The following GRIK2 variants were observed in gnomAD, a reference collection of about 807,000 sequenced individuals.
GRIK2 encodes the protein glutamate receptor ionotropic, kainate 2.
Under a neutral mutation model 100.3 loss-of-function variants are expected in GRIK2, and 32 were observed. The ratio of observed to expected loss-of-function variants is 0.32; its 90% confidence interval spans 0.24 to 0.43. The LOEUF is 0.43. Among genes scored for constraint, GRIK2 ranks in the 20% least tolerant of loss-of-function variants. GRIK2 has a pLI of 1.00. For missense variants in GRIK2, 843 were observed against 1,114.9 expected (o/e 0.76, Z 3.47); for synonymous variants, 417 against 389.4 (o/e 1.07, Z -0.83).
At chr6:101,670,799 GACAA>G (rs1255521548) in intron 4 of GRIK2, among the ~76,000 whole-genome samples, 3 of 152,050 alleles carry the variant, frequency 2.0e-5, no homozygotes, top group Non-Finnish European at 4.4e-5. Flanking sequence ...TAAACATAAT[GACAA>G]ACAGCCATTT....
At chr6:101,906,732 A>G (rs1390473235) in intron 12 of GRIK2, among the ~76,000 whole-genome samples, 1 of 151,648 alleles carries the variant, frequency 6.6e-6, no homozygotes, top group Non-Finnish European at 1.5e-5. Context: ...TCTAAAAACA[A>G]TACACCGGAG....
chr6:101,701,731 A>G (rs1164694553), intron 7 of GRIK2, among the ~76,000 whole-genome samples: 1 of 152,106 alleles, frequency 6.6e-6, no homozygotes, highest in African/African-American at 2.4e-5. Context: ...GTAAATATAG[A>G]TATTACTCAC....
intron 4 of GRIK2, among the ~76,000 whole-genome samples, chr6:101,630,588 C>A (rs1186603622): frequency 6.6e-6 from 1 of 151,786 alleles, no homozygotes; most frequent in Non-Finnish European, 1.5e-5. Context: ...TGATTTATTT[C>A]AGTTTCTTAT....
intron 7 of GRIK2, among the ~76,000 whole-genome samples, chr6:101,794,446 T>A (rs751195801): frequency 1.3e-5 from 2 of 152,186 alleles, no homozygotes; most frequent in African/African-American, 2.4e-5. Flanking sequence ...GAACACCTTA[T>A]TGTGTTTATA....
At chr6:101,847,402 C>T (rs1208525562) in intron 10 of GRIK2, among the ~76,000 whole-genome samples, 2 of 152,020 alleles carry the variant, frequency 1.3e-5, no homozygotes, top group Non-Finnish European at 2.9e-5. Context: ...AGATATTCCC[C>T]TCACCCAGGG....
chr6:101,968,988 TCATGA>T (rs973612011), intron 14 of GRIK2, among the ~76,000 whole-genome samples: 2 of 152,026 alleles, frequency 1.3e-5, no homozygotes, highest in African/African-American at 4.8e-5. Flanking sequence ...CATTAAAGAC[TCATGA>T]CAATAAATTT....
chr6:101,397,917 A>G (rs1775077881), intron 1 of GRIK2, among the ~76,000 whole-genome samples: 2 of 152,076 alleles, frequency 1.3e-5, no homozygotes, highest in Admixed American at 1.3e-4. Context: ...AGTGTAAAAT[A>G]TTAAAATTGT....
At chr6:101,700,926 AG>A (rs1772848269) in intron 7 of GRIK2, among the ~76,000 whole-genome samples, 1 of 152,160 alleles carries the variant, frequency 6.6e-6, no homozygotes. Flanking sequence ...GAGACAAAAG[AG>A]GCCTTAGAGC....
chr6:101,438,106 T>G (rs538583203), intron 2 of GRIK2, among the ~76,000 whole-genome samples: 1 of 151,828 alleles, frequency 6.6e-6, no homozygotes, highest in East Asian at 1.9e-4. Flanking sequence ...GAAGGTTTAA[T>G]GGGGGTATTT....
At chr6:101,656,502 G>T (rs1212382771) in intron 4 of GRIK2, among the ~76,000 whole-genome samples, 3 of 152,032 alleles carry the variant, frequency 2.0e-5, no homozygotes, top group African/African-American at 7.2e-5. Context: ...TAATTCTACT[G>T]CCCAAACATA....
At chr6:101,417,935 G>T (rs1776228995) in intron 2 of GRIK2, among the ~76,000 whole-genome samples, 1 of 152,138 alleles carries the variant, frequency 6.6e-6, no homozygotes, top group Admixed American at 6.5e-5. Flanking sequence ...TTGTTATCCT[G>T]AAAATCTGGG....
At chr6:102,018,360 C>T (rs1017725330) in intron 14 of GRIK2, among the ~76,000 whole-genome samples, 1 of 152,002 alleles carries the variant, frequency 6.6e-6, no homozygotes, top group Admixed American at 6.6e-5. Flanking sequence ...TCCTTCTCGC[C>T]AAATATGTTA....
At chr6:101,722,888 G>C (rs778905694) in intron 7 of GRIK2, among the ~76,000 whole-genome samples, 1 of 152,034 alleles carries the variant, frequency 6.6e-6, no homozygotes, top group Non-Finnish European at 1.5e-5. Flanking sequence ...GATCAGCATG[G>C]AATAATCTGG....
intron 14 of GRIK2, among the ~76,000 whole-genome samples, chr6:101,955,653 T>C (rs1297139302): frequency 2.0e-5 from 3 of 149,806 alleles, no homozygotes. Context: ...TGGTAGTTTG[T>C]GTTTTTTAAG....
At chr6:101,625,783 A>T (rs186034271) in intron 3 of GRIK2, among the ~76,000 whole-genome samples, 2 of 152,218 alleles carry the variant, frequency 1.3e-5, no homozygotes, top group African/African-American at 4.8e-5. Context: ...ATATATAAAG[A>T]TGACTGAGTA....
intron 10 of GRIK2, among the ~76,000 whole-genome samples, chr6:101,854,070 T>A (rs1304149218): frequency 1.3e-5 from 2 of 152,048 alleles, no homozygotes; most frequent in Non-Finnish European, 2.9e-5. Flanking sequence ...GCCCATAAGG[T>A]AAACTATGGA....
intron 7 of GRIK2, among the ~76,000 whole-genome samples, chr6:101,777,519 T>C (rs1390307618): frequency 1.3e-5 from 2 of 152,194 alleles, no homozygotes; most frequent in African/African-American, 4.8e-5. Context: ...TTTAAAGTAA[T>C]TTTTCAAGCA....
chr6:101,764,205 CCTT>C (rs1479334526), intron 7 of GRIK2, among the ~76,000 whole-genome samples: 2 of 152,092 alleles, frequency 1.3e-5, no homozygotes, highest in African/African-American at 4.8e-5. Context: ...TGGTTCCAAT[CCTT>C]CTCATAAATT....
At chr6:101,701,334 G>A (rs571486419) in intron 7 of GRIK2, among the ~76,000 whole-genome samples, 3 of 152,114 alleles carry the variant, frequency 2.0e-5, no homozygotes, top group East Asian at 1.9e-4. Context: ...TAGTCATGCC[G>A]GAACAGCCTG....
Sources: allele counts gnomAD v4.1 joint callset (sites outside exome capture counted in the v4.1 genomes callset), GRCh38; gene constraint gnomAD v4.1.1; transcripts MANE v1.5; gene names NCBI Gene and HGNC (gene_info 2026-07-23, HGNC 2026-07-21).